Variants in CALB2 observed in about 807,000 individuals in gnomAD.
CALB2 encodes the protein calbindin 2.
CALB2 carries 34 observed loss-of-function variants against 45.9 expected under a neutral mutation model. The ratio of observed to expected loss-of-function variants is 0.74; its 90% CI spans 0.56 to 0.99. The LOEUF (loss-of-function observed/expected upper bound fraction) is 0.99. Among genes scored for constraint, CALB2 ranks in the 50% least tolerant of loss-of-function variants. The pLI is 0.00. For synonymous variants in CALB2, 142 were observed against 129.6 expected (o/e 1.10, Z -0.65); for missense variants, 344 against 339.3 (o/e 1.01, Z -0.11).
At chr16:71,372,957 C>T (rs2042369953) in intron 2 of CALB2, among the ~76,000 whole-genome samples, 1 of 152,184 alleles carries the variant, frequency 6.6e-6, no homozygotes. Context: ...GGTGGTGTCA[C>T]GACCTTCTGA....
At chr16:71,369,194 G>A (rs538295630) in intron 1 of CALB2, among the ~76,000 whole-genome samples, 6 of 152,322 alleles carry the variant, frequency 3.9e-5, no homozygotes, top group Non-Finnish European at 7.3e-5. Context: ...TTTGAGGCTC[G>A]CTGCAGGCCA....
At chr16:71,380,303 T>C (rs2042475273) in intron 4 of CALB2, among the ~76,000 whole-genome samples, 1 of 73,166 alleles carries the variant, frequency 1.4e-5, no homozygotes, top group African/African-American at 6.1e-5. Flanking sequence ...TTTTTTTTTT[T>C]TTTTTTTTTT....
At chr16:71,384,424 G>T (rs774523023) in intron 8 of CALB2, 46 bp downstream of exon 8, 1 of 1,510,108 alleles carries the variant, frequency 6.6e-7, no homozygotes, top group Admixed American at 1.8e-5. Context: ...ATCCCTCTGA[G>T]CCTGGCCCTG....
chr16:71,368,914 C>T (rs993831930), intron 1 of CALB2, among the ~76,000 whole-genome samples: 1 of 152,052 alleles, frequency 6.6e-6, no homozygotes, highest in Non-Finnish European at 1.5e-5. Context: ...TCCTTCAAAC[C>T]TTTCTAGAAA....
At chr16:71,365,253 C>T (rs140047351) in intron 1 of CALB2, among the ~76,000 whole-genome samples, 76 of 152,292 alleles carry the variant, frequency 5.0e-4, no homozygotes, top group African/African-American at 1.6e-3. Context: ...AATTCCTTAA[C>T]GAGGAAATTC....
chr16:71,360,674 C>T (rs749581238), intron 1 of CALB2, among the ~76,000 whole-genome samples: 1 of 152,206 alleles, frequency 6.6e-6, no homozygotes, highest in South Asian at 2.1e-4. Context: ...CTCAGAGGGA[C>T]AAGCAAGAGC....
chr16:71,383,497 G>A, intron 6 of CALB2, 53 bp downstream of exon 6: 1 of 1,520,928 alleles, frequency 6.6e-7, no homozygotes, highest in South Asian at 1.1e-5. Flanking sequence ...TGTGCCCCAA[G>A]CCACTTGGGC....
chr16:71,372,884 GGAAAA>G (rs2042369162), intron 2 of CALB2, among the ~76,000 whole-genome samples: 1 of 152,200 alleles, frequency 6.6e-6, no homozygotes, highest in Non-Finnish European at 1.5e-5. Context: ...AGGAACTAGA[GGAAAA>G]TTGAGGATTG....
chr16:71,389,023 C>T (rs1317772700), intron 10 of CALB2, among the ~76,000 whole-genome samples: 2 of 129,468 alleles, frequency 1.5e-5, no homozygotes, highest in Non-Finnish European at 3.2e-5. Flanking sequence ...AAAAAGCAGA[C>T]TTCCTTGCTT....
intron 4 of CALB2, 125 bp from the exon 5 acceptor site, chr16:71,382,594 G>A: frequency 1.2e-6 from 1 of 858,612 alleles, no homozygotes; most frequent in Admixed American, 2.3e-5. Flanking sequence ...TCATCTCCAT[G>A]TCTCCATCCC....
intron 1 of CALB2, among the ~76,000 whole-genome samples, chr16:71,371,816 G>T (rs7202726): frequency 1.3e-5 from 2 of 152,072 alleles, no homozygotes; most frequent in Non-Finnish European, 2.9e-5. Context: ...ACCAGGTCCC[G>T]CCACTTGCTG....
intron 10 of CALB2, among the ~76,000 whole-genome samples, chr16:71,387,662 A>G (rs1308906199): frequency 1.3e-5 from 2 of 152,170 alleles, no homozygotes; most frequent in Non-Finnish European, 2.9e-5. Context: ...AGTGAAACTT[A>G]TAGGAAGTAA....
chr16:71,384,118 G>A, intron 7 of CALB2, 93 bp downstream of exon 7: 1 of 1,380,250 alleles, frequency 7.2e-7, no homozygotes, highest in Non-Finnish European at 1.0e-6. Flanking sequence ...GAAAGTGACA[G>A]GTGCGGGTGT....
intron 1 of CALB2, among the ~76,000 whole-genome samples, chr16:71,365,609 A>C (rs1392422504): frequency 1.3e-5 from 2 of 152,124 alleles, no homozygotes; most frequent in Admixed American, 1.3e-4. Context: ...CCAGAGAAAG[A>C]TTCAGTAGGT....
chr16:71,385,767 A>G, intron 10 of CALB2, 119 bp downstream of exon 10: 1 of 681,078 alleles, frequency 1.5e-6, no homozygotes, highest in Non-Finnish European at 2.4e-6. Flanking sequence ...TGCCACAGCA[A>G]GGCAATAGAC....
intron 4 of CALB2, 59 bp from the exon 5 acceptor site, chr16:71,382,660 G>A (rs776468322): frequency 1.3e-6 from 2 of 1,555,966 alleles, no homozygotes; most frequent in Non-Finnish European, 1.8e-6. Flanking sequence ...GGGAATGGAA[G>A]GGAGGTGGGT....
chr16:71,366,972 C>T (rs1273456653), intron 1 of CALB2, among the ~76,000 whole-genome samples: 2 of 152,044 alleles, frequency 1.3e-5, no homozygotes, highest in Non-Finnish European at 2.9e-5. Context: ...TACTCAGGTA[C>T]CTCTTACCTG....
chr16:71,367,970 C>G (rs1020362337), intron 1 of CALB2, among the ~76,000 whole-genome samples: 4 of 152,210 alleles, frequency 2.6e-5, no homozygotes, highest in African/African-American at 9.7e-5. Context: ...TTCTCTGCCC[C>G]CTTCCCAGAG....
chr16:71,372,314 A>G, intron 2 of CALB2, 85 bp downstream of exon 2: 1 of 919,570 alleles, frequency 1.1e-6, no homozygotes, highest in Non-Finnish European at 1.7e-6. Context: ...GTATGCCATA[A>G]GCAGGCCTCA....
Sources: gnomAD v4.1 joint callset for allele counts (sites outside exome capture counted in the v4.1 genomes callset) on GRCh38, gnomAD v4.1.1 for gene constraint, MANE v1.5 for transcripts, NCBI Gene and HGNC (gene_info 2026-07-23, HGNC 2026-07-21) for gene names.